Variants in TOPAZ1 observed in about 807,000 individuals in gnomAD.
TOPAZ1 encodes testis and ovary specific TOPAZ 1.
TOPAZ1 carries 66 observed loss-of-function variants against 172.2 expected under a neutral mutation model. The observed-to-expected ratio is 0.38, with a 90% confidence interval of 0.31 to 0.47. TOPAZ1 has a LOEUF of 0.47. Ranked by LOEUF, TOPAZ1 falls within the 20% of genes least tolerant of loss-of-function variation. The pLI, the probability that TOPAZ1 is intolerant of heterozygous loss-of-function variation, is 0.99. For synonymous variants in TOPAZ1, 681 were observed against 683.9 expected (o/e 1.00, Z 0.07); for missense variants, 1,822 against 1,972.4 (o/e 0.92, Z 1.44).
intron 16 of TOPAZ1, among the ~76,000 whole-genome samples, chr3:44,310,236 A>T (rs551303069): frequency 8.9e-4 from 136 of 152,318 alleles, no homozygotes; most frequent in African/African-American, 3.1e-3. Context: ...GTGGTGACTC[A>T]TGCCTGTAAT....
chr3:44,280,677 C>T (rs943946487), intron 8 of TOPAZ1, among the ~76,000 whole-genome samples: 1 of 152,208 alleles, frequency 6.6e-6, no homozygotes, highest in African/African-American at 2.4e-5. Context: ...TAGCAGCCCA[C>T]AGCAGTGATG....
Position 44,323,304 on chromosome 3 carries a change from C to T in TOPAZ1, c.4675+9C>T, listed in dbSNP as rs1265854136. 2.0e-6 allele frequency: 3 copies of T among 1,503,096 alleles called. No individual in the cohort carries two copies. Among genetic ancestry groups the T allele is most frequent in the Non-Finnish European group, 2.7e-6 (3 of 1,117,840 alleles). The allele number at this position is 1,503,096 out of a possible 1,614,324, so 93.1% of individuals were successfully genotyped here. A position where few individuals can be genotyped will look rare whatever the true frequency, so the allele number is the denominator to read the frequency against. On this transcript the variant is annotated intron_variant, in intron 18 of 19. Coordinates refer to ENST00000309765, the MANE Select transcript of TOPAZ1 (RefSeq NM_001145030.2). ...CAGAGCCCACTACAAAAGTAAGTTACATTTAAAATGTTTTAATATATTGGT... is the reference window on the plus strand; with the variant it reads ...CAGAGCCCACTACAAAAGTAAGTTATATTTAAAATGTTTTAATATATTGGT...
chr3:44,256,727 C>T (rs1398549227), intron 4 of TOPAZ1, among the ~76,000 whole-genome samples: 1 of 152,024 alleles, frequency 6.6e-6, no homozygotes, highest in African/African-American at 2.4e-5. Flanking sequence ...CTTCTAATAC[C>T]ATGGTAGGCT....
intron 11 of TOPAZ1, among the ~76,000 whole-genome samples, chr3:44,289,140 T>A (rs749299195): frequency 1.3e-5 from 2 of 152,218 alleles, no homozygotes; most frequent in Non-Finnish European, 2.9e-5. Flanking sequence ...TTTTAAGGCA[T>A]GTCAGTTACC....
In TOPAZ1 at chr3:44,323,293, A is replaced by G; in HGVS notation, c.4673A>G (p.Lys1558Arg). Reference sequence around the variant, plus strand: ...TGGCTCAAAGCCAGAGCCCACTACAAAAGTAAGTTACATTTAAAATGTTTT... The same window carrying G: ...TGGCTCAAAGCCAGAGCCCACTACAGAAGTAAGTTACATTTAAAATGTTTT... ...RLWLKARAHY[K>R]SALSLGCYPP... Residue 1558 changes from lysine (K) to arginine (R), a missense_variant and splice_region_variant, in exon 18 of 20, where the codon AAA (lysine) becomes AGA (arginine). This residue lies in a region of TOPAZ1 where 333 missense variants were observed against 481.7 expected (regional missense o/e 0.69). Coordinates refer to ENST00000309765, the MANE Select transcript of TOPAZ1 (RefSeq NM_001145030.2). 1 of 1,530,280 alleles carries G rather than the reference A, an allele frequency of 6.5e-7. No homozygotes were observed. The highest frequency in any genetic ancestry group is 2.1e-5 in the Admixed American group (1 of 47,514). 94.8% of individuals were successfully genotyped at this position (1,530,280 alleles called of 1,614,324 possible). A position where few individuals can be genotyped will look rare whatever the true frequency, so the allele number is the denominator to read the frequency against.
intron 13 of TOPAZ1, among the ~76,000 whole-genome samples, chr3:44,304,800 A>T (rs959787153): frequency 6.6e-6 from 1 of 152,210 alleles, no homozygotes; most frequent in Non-Finnish European, 1.5e-5. Context: ...TGCCATGGAG[A>T]CAGTTCAAAT....
chr3:44,276,262 C>T (rs1699955985), intron 8 of TOPAZ1, among the ~76,000 whole-genome samples: 1 of 152,066 alleles, frequency 6.6e-6, no homozygotes, highest in South Asian at 2.1e-4. Flanking sequence ...AAAATCTTTG[C>T]CTAGACCAAT....
chr3:44,305,994 A>G (rs1185950657), intron 14 of TOPAZ1, among the ~76,000 whole-genome samples: 3 of 152,178 alleles, frequency 2.0e-5, no homozygotes, highest in East Asian at 3.8e-4. Flanking sequence ...AACAGAGTCT[A>G]TATAGTTTTG....
chr3:44,269,903 C>T (rs9873869), intron 7 of TOPAZ1, among the ~76,000 whole-genome samples: 72,483 of 151,844 alleles, frequency 0.48, 18,171 homozygotes, highest in East Asian at 0.8. Context: ...GGATTACGGG[C>T]GTGAGCCACT....
At chr3:44,311,894 T>C (rs527262195) in intron 16 of TOPAZ1, among the ~76,000 whole-genome samples, 1 of 152,282 alleles carries the variant, frequency 6.6e-6, no homozygotes, top group African/African-American at 2.4e-5. Flanking sequence ...GATATGCTTT[T>C]TGTGAGGGTA....
intron 5 of TOPAZ1, among the ~76,000 whole-genome samples, chr3:44,263,991 G>A (rs1352430): frequency 0.83 from 126,025 of 152,158 alleles, 52,235 homozygotes; most frequent in Middle Eastern, 0.9. Context: ...GCACTCAAAT[G>A]CCTTTATAGG....
chr3:44,287,785 G>A lies in TOPAZ1; in HGVS notation c.3627G>A (p.Val1209=). ...LKILLNIFEY[V]ATMKLRNAVP... ...TATTACTAAACATATTTGAGTATGT[G>A]GCAACTATGAAATTAAGGAATGCTG... Residue 1209 remains valine, a synonymous_variant, in exon 11 of 20, where the codon GTG becomes GTA. Transcript: ENST00000309765. 6.6e-7 allele frequency: 1 copy of A among 1,511,540 alleles called. No individual in the cohort carries two copies. Among genetic ancestry groups the A allele is most frequent in the South Asian group, 1.3e-5 (1 of 78,468 alleles). 93.6% of individuals were successfully genotyped at this position (1,511,540 alleles called of 1,614,324 possible). A position where few individuals can be genotyped will look rare whatever the true frequency, so the allele number is the denominator to read the frequency against.
intron 19 of TOPAZ1, among the ~76,000 whole-genome samples, chr3:44,331,199 TTGTG>T (rs1481743361): frequency 1.3e-5 from 2 of 152,212 alleles, no homozygotes; most frequent in African/African-American, 4.8e-5. Flanking sequence ...TGCAGACTAT[TTGTG>T]TGGTGAAATC....
At chr3:44,335,493 G>A (rs962101490), downstream of TOPAZ1, among the ~76,000 whole-genome samples, 5 of 151,940 alleles carry the variant, frequency 3.3e-5, no homozygotes, top group Admixed American at 2.0e-4. Flanking sequence ...GCGCGGTGGT[G>A]CACACCTATA....
rs535361832 is a variant in TOPAZ1, at chr3:44,306,349, A to G, written c.4063A>G (p.Lys1355Glu). 3 of 1,547,178 alleles carry G rather than the reference A, an allele frequency of 1.9e-6. No homozygotes were observed. The highest frequency in any genetic ancestry group is 4.9e-5 in the East Asian group (2 of 40,880). ...ETVSKDPQNSKVDKGVLGRIG... is the reference protein window; with the variant it reads ...ETVSKDPQNSEVDKGVLGRIG... Reference sequence around the variant, plus strand: ...AGTTAGCAAAGATCCACAAAACAGTAAAGTAGATAAAGGTGTACTGGGAAG... The same window carrying G: ...AGTTAGCAAAGATCCACAAAACAGTGAAGTAGATAAAGGTGTACTGGGAAG... Residue 1355 changes from lysine (K) to glutamate (E), a missense_variant, in exon 15 of 20, where the codon AAA (lysine) becomes GAA (glutamate). Lys to Glu is a moderately conservative substitution (Grantham distance 56). This residue lies in a region of TOPAZ1 where 333 missense variants were observed against 481.7 expected (regional missense o/e 0.69). Coordinates refer to ENST00000309765, the MANE Select transcript of TOPAZ1 (RefSeq NM_001145030.2).
chr3:44,269,084 C>G, intron 6 of TOPAZ1, 132 bp from the exon 7 acceptor site: 1 of 648,666 alleles, frequency 1.5e-6, no homozygotes, highest in Non-Finnish European at 2.8e-6. Flanking sequence ...CATGGCAGCA[C>G]AGTCTGTGAA....
rs1316886409 is a variant in TOPAZ1 at position 44,251,765 on chromosome 3, T to C, written c.2766-3203T>C. ...GATTTGGCTTAAACCTGTCTTACTC[T>C]CTCCTCTCCTTTTTACTTAGATCTT... On this transcript the variant is annotated intron_variant, in intron 2 of 19. Coordinates refer to ENST00000309765, the MANE Select transcript of TOPAZ1 (RefSeq NM_001145030.2). Among the ~76,000 whole-genome samples the C allele has an allele frequency of 2.6e-5, 4 of 152,156 alleles. No homozygotes were observed. The East Asian group carries it at 7.7e-4, about 29-fold the overall frequency.
rs78085831 is a variant in TOPAZ1, at chr3:44,258,744, G to A, written c.2955+2466G>A. Among the ~76,000 whole-genome samples the A allele has an allele frequency of 7.2e-3, 1,090 of 152,216 alleles. 7 individuals are homozygous for A. Among genetic ancestry groups the A allele is most frequent in the African/African-American group, 0.025 (1,040 of 41,520 alleles). On this transcript the variant is annotated intron_variant, in intron 4 of 19. Transcript: ENST00000309765. ...TGGATATCTAGATTGTTTCCAGTTTGGGACTCTTACAGGATAAAGCTGCTA... is the reference window on the plus strand; with the variant it reads ...TGGATATCTAGATTGTTTCCAGTTTAGGACTCTTACAGGATAAAGCTGCTA...
chr3:44,242,216 CG>C lies in TOPAZ1; in HGVS notation c.166del (p.Ala56ProfsTer34). On this transcript the variant is annotated frameshift_variant, in exon 1 of 20. Transcript: ENST00000309765. LOFTEE classifies it high-confidence loss of function. ...TAAGCAAAAGAGGAGAATGGTGGCC[CG>C]GGCCACCCCTGGGAGAGGCGAGGTG... ...ENKQKRRMVA[R>X]ATPGRGEVES... The C allele has an allele frequency of 6.5e-7, 1 of 1,544,486 alleles. No individual in the cohort carries two copies. Among genetic ancestry groups the C allele is most frequent in the Non-Finnish European group, 8.7e-7 (1 of 1,144,826 alleles).
Sources: allele counts gnomAD v4.1 joint callset (sites outside exome capture counted in the v4.1 genomes callset), GRCh38; gene constraint gnomAD v4.1.1; regional missense constraint gnomAD v4.1.1; transcripts MANE v1.5; gene names NCBI Gene and HGNC (gene_info 2026-07-23, HGNC 2026-07-21).